The following ATXN7L1 variants were observed in gnomAD, a reference collection of about 807,000 sequenced individuals.
The protein encoded by ATXN7L1 is ataxin-7-like protein 1.
A neutral mutation model predicts 70.8 loss-of-function variants in ATXN7L1; 15 were observed. That is an observed-to-expected ratio of 0.21 (90% CI 0.14 to 0.33). The LOEUF (loss-of-function observed/expected upper bound fraction) is 0.33, where lower values mean the gene tolerates loss of function less well. Among genes scored for constraint, ATXN7L1 ranks in the 10% least tolerant of loss-of-function variants. The pLI is 1.00. For missense variants in ATXN7L1, 975 were observed against 1,097.1 expected (o/e 0.89, Z 1.57); for synonymous variants, 440 against 445.1 (o/e 0.99, Z 0.14).
chr7:105,851,511 C>T (rs1035361464), intron 2 of ATXN7L1, among the ~76,000 whole-genome samples: 2 of 152,168 alleles, frequency 1.3e-5, no homozygotes, highest in African/African-American at 4.8e-5. Flanking sequence ...AAGTGGCTGT[C>T]CCCAGCCCTT....
intron 2 of ATXN7L1, among the ~76,000 whole-genome samples, chr7:105,833,807 T>G (rs1180565600): frequency 6.6e-6 from 1 of 152,206 alleles, no homozygotes; most frequent in Non-Finnish European, 1.5e-5. Flanking sequence ...CATTATTGGA[T>G]GAAGAAGAGG....
chr7:105,632,835 C>A (rs766440800), intron 7 of ATXN7L1, among the ~76,000 whole-genome samples: 1 of 140,966 alleles, frequency 7.1e-6, no homozygotes, highest in Non-Finnish European at 1.5e-5. Flanking sequence ...GTGGGAGGAT[C>A]ATTTGAACCC....
chr7:105,860,633 G>A (rs1816488858), intron 2 of ATXN7L1, among the ~76,000 whole-genome samples: 2 of 152,116 alleles, frequency 1.3e-5, no homozygotes, highest in African/African-American at 4.8e-5. Context: ...AATTTTGTAA[G>A]GTGAAAAGAG....
At chr7:105,718,629 G>A (rs1210189416) in intron 3 of ATXN7L1, among the ~76,000 whole-genome samples, 3 of 152,202 alleles carry the variant, frequency 2.0e-5, no homozygotes, top group Non-Finnish European at 2.9e-5. Flanking sequence ...GTTGACGGCA[G>A]GAGCAAAAAA....
intron 8 of ATXN7L1, 107 bp from the exon 9 acceptor site, chr7:105,620,428 C>T (rs2115787486): frequency 8.0e-7 from 1 of 1,245,970 alleles, no homozygotes; most frequent in Non-Finnish European, 1.1e-6. Flanking sequence ...CACAGTTTTA[C>T]TCAAAGAAGC....
At chr7:105,641,543 G>C (rs936932501) in intron 5 of ATXN7L1, among the ~76,000 whole-genome samples, 6 of 152,238 alleles carry the variant, frequency 3.9e-5, no homozygotes, top group Admixed American at 2.0e-4. Context: ...ACTTCAGATG[G>C]GGTTACAGGC....
At position 105,605,341 on chromosome 7, in the gene ATXN7L1, C is replaced by G. The variant is rs2115677735; in HGVS notation, c.*2511G>C. 6.6e-6 allele frequency: 1 copy of G among 152,176 alleles called. No individual in the cohort carries two copies. The highest frequency in any genetic ancestry group is 2.1e-4 in the South Asian group (1 of 4,812). The allele number at this position is 152,176 out of a possible 1,614,324, so 9.4% of individuals were successfully genotyped here. A position where few individuals can be genotyped will look rare whatever the true frequency, so the allele number is the denominator to read the frequency against. On this transcript the variant is annotated 3_prime_UTR_variant, in exon 12 of 12. Transcript: ENST00000419735. ...TTCAAGCTGCAAGTTTTTAATACAT[C>G]ATTGTAAAGTAAACCTGTGGTTGAC...
chr7:105,783,790 A>T (rs372450112), intron 3 of ATXN7L1, among the ~76,000 whole-genome samples: 1 of 152,204 alleles, frequency 6.6e-6, no homozygotes, highest in Non-Finnish European at 1.5e-5. Flanking sequence ...TGTTATAGCC[A>T]ATTATTGAAC....
intron 3 of ATXN7L1, among the ~76,000 whole-genome samples, chr7:105,732,266 C>T (rs1052664030): frequency 1.3e-5 from 2 of 151,894 alleles, no homozygotes; most frequent in Admixed American, 1.3e-4. Flanking sequence ...CAAAAAAATT[C>T]GCTGGGCGTG....
chr7:105,783,693 C>T (rs1363999654), intron 3 of ATXN7L1, among the ~76,000 whole-genome samples: 1 of 152,192 alleles, frequency 6.6e-6, no homozygotes, highest in Non-Finnish European at 1.5e-5. Context: ...AGACCTCACC[C>T]TATTATCTCT....
chr7:105,651,115 C>A (rs1475815815), intron 4 of ATXN7L1, among the ~76,000 whole-genome samples: 2 of 152,134 alleles, frequency 1.3e-5, no homozygotes, highest in South Asian at 2.1e-4. Flanking sequence ...AAAGAGGACA[C>A]CTGGCCTGGC....
chr7:105,818,161 T>C (rs1480637224), intron 2 of ATXN7L1, among the ~76,000 whole-genome samples: 1 of 152,178 alleles, frequency 6.6e-6, no homozygotes, highest in Non-Finnish European at 1.5e-5. Context: ...CCTTGTCTTT[T>C]CAAATTAAAA....
At chr7:105,799,309 C>A (rs1806455564) in intron 2 of ATXN7L1, among the ~76,000 whole-genome samples, 1 of 152,244 alleles carries the variant, frequency 6.6e-6, no homozygotes, top group South Asian at 2.1e-4. Flanking sequence ...AAAATGCCCA[C>A]TCCAGAAAAT....
intron 3 of ATXN7L1, among the ~76,000 whole-genome samples, chr7:105,716,417 A>C (rs969709799): frequency 2.0e-5 from 3 of 152,188 alleles, no homozygotes; most frequent in Non-Finnish European, 4.4e-5. Context: ...ACTATTTTAT[A>C]TGGGGGCCCA....
intron 7 of ATXN7L1, among the ~76,000 whole-genome samples, chr7:105,637,762 C>A (rs1042033556): frequency 6.6e-6 from 1 of 152,094 alleles, no homozygotes; most frequent in African/African-American, 2.4e-5. Flanking sequence ...AACAGGTGGC[C>A]CAGAAGAGTA....
intron 2 of ATXN7L1, among the ~76,000 whole-genome samples, chr7:105,817,169 A>C (rs1406244451): frequency 6.6e-6 from 1 of 152,240 alleles, no homozygotes; most frequent in Non-Finnish European, 1.5e-5. Context: ...GAGGGCAGAA[A>C]GTAAACAAAC....
intron 7 of ATXN7L1, among the ~76,000 whole-genome samples, 200 bp from the exon 8 acceptor site, chr7:105,624,467 T>C (rs1045618780): frequency 1.3e-5 from 2 of 152,134 alleles, no homozygotes; most frequent in Admixed American, 1.3e-4. Flanking sequence ...CTGGCCAACA[T>C]GGTGAAACCC....
chr7:105,685,079 T>TAAC (rs1262275878), intron 3 of ATXN7L1, among the ~76,000 whole-genome samples: 5 of 140,332 alleles, frequency 3.6e-5, no homozygotes, highest in Non-Finnish European at 7.8e-5. Context: ...ATAATAATAA[T>TAAC]AATAATAAAT....
chr7:105,614,227 A>G lies in ATXN7L1; in HGVS notation c.2107T>C (p.Ser703Pro). Residue 703 changes from serine to proline, a missense_variant, in exon 10 of 12, where the codon TCA (serine) becomes CCA (proline). By Grantham distance (74) the Ser-to-Pro change is moderately conservative. Around this residue, in one of 5 missense-constraint regions of ATXN7L1, gnomAD observed 635 missense variants for 699.4 expected, o/e 0.91. Transcript: ENST00000419735. The surrounding 1 kb of genome is among the most constrained non-coding windows in gnomAD (Gnocchi z 4.3). ...PPYNSLSVHN[S>P]NNGVSPLSAK... The stretch of plus-strand genomic sequence containing the variant: ...CTGAGTGGGCTCACCCCATTGTTTG[A>G]GTTGTGCACAGACAGGCTGTTATAG... 6.4e-7 allele frequency: 1 copy of G among 1,551,676 alleles called. No individual in the cohort carries two copies. The highest frequency in any genetic ancestry group is 1.2e-5 in the South Asian group (1 of 84,054).
Sources: gnomAD v4.1 joint callset for allele counts (sites outside exome capture counted in the v4.1 genomes callset) on GRCh38, gnomAD v4.1.1 for gene constraint, gnomAD v4.1.1 regional missense constraint, Gnocchi (gnomAD v3.1) non-coding constraint, MANE v1.5 for transcripts, NCBI Gene and HGNC (gene_info 2026-07-23, HGNC 2026-07-21) for gene names.